Variants in CIMAP2 observed in about 807,000 individuals in gnomAD.
CIMAP2 encodes the protein ciliary microtubule-associated protein 2.
chr1:54,811,732 C>G, the CIMAP2 span: 1 of 1,439,566 alleles, frequency 6.9e-7, no homozygotes, highest in Non-Finnish European at 9.6e-7. Context: ...GTCTGTTCCT[C>G]AGGCACACTC....
chr1:54,806,618 A>G, the CIMAP2 span, among the ~76,000 whole-genome samples: 1 of 142,960 alleles, frequency 7.0e-6, no homozygotes, highest in African/African-American at 2.6e-5. Flanking sequence ...TCTCTCACCT[A>G]CTGTGTTCCA....
the CIMAP2 span, chr1:54,811,767 C>CGGGGGGGGGGGGGGGGGGGGG: frequency 1.8e-6 from 2 of 1,088,166 alleles, no homozygotes; most frequent in Non-Finnish European, 1.4e-6. Flanking sequence ...TTCTGACAGC[C>CGGGGGGGGGGGGGGGGGGGGG]TCCATGCCCC....
At chr1:54,811,765 G>GCCGGGGGGGGGGGGGGCGCCCCCCCC in the CIMAP2 span, 1 of 1,301,330 alleles carries the variant, frequency 7.7e-7, no homozygotes, top group Non-Finnish European at 1.1e-6. Context: ...GGTTCTGACA[G>GCCGGGGGGGGGGGGGGCGCCCCCCCC]CCTCCATGCC....
At chr1:54,807,109 C>T in the CIMAP2 span, 8 of 1,590,210 alleles carry the variant, frequency 5.0e-6, no homozygotes, top group Admixed American at 8.3e-5. Context: ...TTCCCTGACT[C>T]CTCCCACAGG....
At chr1:54,817,352 T>C in the CIMAP2 span, among the ~76,000 whole-genome samples, 2 of 152,234 alleles carry the variant, frequency 1.3e-5, no homozygotes, top group African/African-American at 4.8e-5. Flanking sequence ...CCTCATTTCC[T>C]TCAGCTGTCA....
At chr1:54,807,846 T>C in the CIMAP2 span, 1 of 1,535,036 alleles carries the variant, frequency 6.5e-7, no homozygotes, top group Non-Finnish European at 8.7e-7. Flanking sequence ...GCGTGGATTT[T>C]CCCAAGTTTA....
chr1:54,836,552 A>G, the CIMAP2 span, among the ~76,000 whole-genome samples: 1 of 151,566 alleles, frequency 6.6e-6, no homozygotes, highest in Non-Finnish European at 1.5e-5. Context: ...AAAAAAGTTG[A>G]TGATTTAATT....
At chr1:54,814,314 TGG>T in the CIMAP2 span, among the ~76,000 whole-genome samples, 2 of 152,158 alleles carry the variant, frequency 1.3e-5, no homozygotes, top group Admixed American at 1.3e-4. Flanking sequence ...CGTTGGAGGA[TGG>T]GCAGGGGAAA....
chr1:54,836,253 C>A, the CIMAP2 span, among the ~76,000 whole-genome samples: 1 of 151,222 alleles, frequency 6.6e-6, no homozygotes, highest in Non-Finnish European at 1.5e-5. Flanking sequence ...CCCTCCCTCC[C>A]CCTTCGCCCT....
At chr1:54,840,728 A>G in the CIMAP2 span, among the ~76,000 whole-genome samples, 17 of 152,354 alleles carry the variant, frequency 1.1e-4, no homozygotes, top group South Asian at 1.0e-3. Flanking sequence ...TTCTCCAGTG[A>G]CAAGATGTTG....
chr1:54,821,011 C>T, the CIMAP2 span, among the ~76,000 whole-genome samples: 11 of 152,190 alleles, frequency 7.2e-5, no homozygotes, highest in African/African-American at 1.2e-4. Context: ...TCAGGTGATC[C>T]GCCCACCTTG....
At chr1:54,823,959 T>C in the CIMAP2 span, among the ~76,000 whole-genome samples, 1 of 152,184 alleles carries the variant, frequency 6.6e-6, no homozygotes, top group Admixed American at 6.5e-5. Flanking sequence ...TGTTTGTTTG[T>C]TTTTTCCTTT....
At chr1:54,821,201 T>G in the CIMAP2 span, among the ~76,000 whole-genome samples, 2 of 94,896 alleles carry the variant, frequency 2.1e-5, no homozygotes, top group Admixed American at 2.2e-4. Context: ...ACTCTATTGA[T>G]TCTTTTGCTG....
chr1:54,827,800 G>C, the CIMAP2 span, among the ~76,000 whole-genome samples: 2 of 152,132 alleles, frequency 1.3e-5, no homozygotes, highest in Admixed American at 6.5e-5. Context: ...ATTTATATAA[G>C]GAAAAATTTC....
the CIMAP2 span, among the ~76,000 whole-genome samples, chr1:54,818,927 G>A: frequency 6.6e-6 from 1 of 152,134 alleles, no homozygotes; most frequent in African/African-American, 2.4e-5. Flanking sequence ...TGTTAATTAA[G>A]TTTTCCTGAA....
chr1:54,807,533 T>A, the CIMAP2 span: 5 of 1,565,264 alleles, frequency 3.2e-6, no homozygotes, highest in Admixed American at 9.7e-5. Context: ...CAGTCCCACA[T>A]AGGCCCTGGG....
At chr1:54,837,280 T>C in the CIMAP2 span, among the ~76,000 whole-genome samples, 1 of 152,078 alleles carries the variant, frequency 6.6e-6, no homozygotes, top group Non-Finnish European at 1.5e-5. Context: ...GTCTGCTTGA[T>C]GGCCTTCAGA....
the CIMAP2 span, chr1:54,815,178 GTCC>G: frequency 7.8e-7 from 1 of 1,284,802 alleles, no homozygotes; most frequent in South Asian, 1.5e-5. Context: ...GGGACCTGAG[GTCC>G]ACTCCCACTG....
At chr1:54,820,492 T>A in the CIMAP2 span, among the ~76,000 whole-genome samples, 2 of 151,990 alleles carry the variant, frequency 1.3e-5, no homozygotes, top group African/African-American at 2.4e-5. Flanking sequence ...TTTAGTTTTT[T>A]AAAGAAACTT....
Sources: gnomAD v4.1 joint callset for allele counts (sites outside exome capture counted in the v4.1 genomes callset) on GRCh38, gnomAD v4.1.1 for gene constraint, MANE v1.5 for transcripts, NCBI Gene and HGNC (gene_info 2026-07-23, HGNC 2026-07-21) for gene names.